STARD10: variants seen among roughly 807,000 people sequenced by gnomAD.
STARD10 encodes the protein StAR related lipid transfer domain containing 10, also known as START domain-containing protein 10.
STARD10 carries 24 observed loss-of-function variants against 36.0 expected under a neutral mutation model. That is an observed-to-expected ratio of 0.67 (90% CI 0.48 to 0.94). The LOEUF is 0.94. STARD10 is among the 40% of genes least tolerant of loss of function. The pLI, the probability that STARD10 is intolerant of heterozygous loss-of-function variation, is 0.00. For missense variants in STARD10, 335 were observed against 396.6 expected (o/e 0.84, Z 1.32); for synonymous variants, 156 against 161.9 (o/e 0.96, Z 0.28).
In STARD10 at chr11:72,781,708, G is replaced by GCGC. The variant is rs1859000843; in HGVS notation, c.-113-417_-113-415dup. On this transcript the variant is annotated intron_variant, in intron 1 of 6. Transcript: ENST00000334805. The surrounding 1 kb of genome is among the most constrained non-coding windows in gnomAD (Gnocchi z 4.7). ...GGGGCCCGCCGGGGCCGGGGTGCCA[G>GCGC]CGCCGCCGCCGCAGCTGCCCGGGAG... The GCGC allele has an allele frequency of 6.8e-6, 1 of 148,082 alleles. No homozygotes were observed. Among genetic ancestry groups the GCGC allele is most frequent in the South Asian group, 2.0e-4 (1 of 4,996 alleles). The allele number at this position is 148,082 out of a possible 1,614,324, so 9.2% of individuals were successfully genotyped here. A position where few individuals can be genotyped will look rare whatever the true frequency, so the allele number is the denominator to read the frequency against.
intron 2 of STARD10, among the ~76,000 whole-genome samples, chr11:72,770,511 C>A (rs1330805434): frequency 1.6e-4 from 24 of 152,342 alleles, no homozygotes; most frequent in Admixed American, 1.6e-3. Context: ...AGCCACCACA[C>A]CCAGCCTTAC....
In STARD10 at chr11:72,754,977, T is replaced by C; in HGVS notation, c.796A>G (p.Ser266Gly). ...TCCTCTCTGCTCTCGGCCACCGCGC[T>C]CTCGTCGATGTTCTCCAGTGAGTCC... is the stretch of plus-strand genomic sequence containing the variant. The part of the protein sequence containing the change: ...HADSLENIDE[S>G]AVAESREERM... The change falls in exon 7 of 7, where the codon AGC (serine) becomes GGC (glycine). Residue 266 changes from serine to glycine, a missense_variant. Ser to Gly is a moderately conservative substitution (Grantham distance 56, BLOSUM62 0). Coordinates refer to ENST00000334805, the MANE Select transcript of STARD10 (RefSeq NM_006645.3). 1.2e-6 allele frequency: 2 copies of C among 1,611,602 alleles called. No homozygotes were observed. Among genetic ancestry groups the C allele is most frequent in the Non-Finnish European group, 1.7e-6 (2 of 1,179,572 alleles).
At chr11:72,778,548 C>G (rs575866264) in intron 2 of STARD10, among the ~76,000 whole-genome samples, 1 of 152,272 alleles carries the variant, frequency 6.6e-6, no homozygotes, top group South Asian at 2.1e-4. Flanking sequence ...CTTGGGGTGC[C>G]CATAACCAGG....
At chr11:72,782,648 C>G (rs934288424) in intron 1 of STARD10, 1 of 152,358 alleles carries the variant, frequency 6.6e-6, no homozygotes, top group Non-Finnish European at 1.5e-5. Context: ...GCTCTGGGCT[C>G]TCTTACCTCC....
At chr11:72,763,845 A>G (rs1243521140) in intron 2 of STARD10, among the ~76,000 whole-genome samples, 5 of 152,180 alleles carry the variant, frequency 3.3e-5, no homozygotes, top group African/African-American at 1.2e-4. Flanking sequence ...ACACGCACTC[A>G]TTCTTCACCC....
intron 6 of STARD10, 164 bp from the exon 7 acceptor site, chr11:72,755,306 CTTTTTT>C (rs542293512): frequency 1.9e-3 from 671 of 356,512 alleles, no homozygotes; most frequent in African/African-American, 0.012. Context: ...ATTCTCCATT[CTTTTTT>C]TTTTTTTTTT....
At position 72,755,057 on chromosome 11, in the gene STARD10, G is replaced by A. The variant is rs368925280; in HGVS notation, c.716C>T (p.Pro239Leu). 10 of 1,613,158 alleles carry A rather than the reference G, an allele frequency of 6.2e-6. No homozygotes were observed. The highest frequency in any genetic ancestry group is 8.5e-6 in the Non-Finnish European group (10 of 1,179,706). ...CAGGCTCGGCAACGGGCTCTGCTCCGGGTGCAGCCACGGCTTGAAGTGAGG... is the reference window on the plus strand; with the variant it reads ...CAGGCTCGGCAACGGGCTCTGCTCCAGGTGCAGCCACGGCTTGAAGTGAGG... ...HLPHFKPWLHPEQSPLPSLAL... is the reference protein window; with the variant it reads ...HLPHFKPWLHLEQSPLPSLAL... The change falls in exon 7 of 7, where the codon CCG becomes CTG. Residue 239 changes from proline to leucine, a missense_variant. Transcript: ENST00000334805.
chr11:72,791,029 G>T (rs902134200), intron 1 of STARD10, among the ~76,000 whole-genome samples: 2 of 152,214 alleles, frequency 1.3e-5, no homozygotes, highest in Non-Finnish European at 2.9e-5. Flanking sequence ...CTTACCACGG[G>T]CCTGGTGCTG....
rs563923000 is a variant in STARD10, at chr11:72,771,304, C to G, written c.207+9671G>C. ...GGCTTTTGAGGGTGTGTGTGGAGTT[C>G]AGGGGATGTTGGGGCTGGCTTGCCT... On this transcript the variant is annotated intron_variant, in intron 2 of 6. Coordinates refer to ENST00000334805, the MANE Select transcript of STARD10 (RefSeq NM_006645.3). 2.0e-4 allele frequency among the ~76,000 whole-genome samples: 31 copies of G among 152,222 alleles called. No homozygotes were observed. In the South Asian group the frequency reaches 5.6e-3, roughly 27 times the overall value.
At chr11:72,783,342 G>A (rs1199540248) in intron 1 of STARD10, among the ~76,000 whole-genome samples, 2 of 152,140 alleles carry the variant, frequency 1.3e-5, no homozygotes, top group Non-Finnish European at 2.9e-5. Context: ...CCTTCCATCT[G>A]CAGTGTGGGA....
chr11:72,789,505 G>A (rs1393150104), intron 1 of STARD10, among the ~76,000 whole-genome samples: 1 of 152,176 alleles, frequency 6.6e-6, no homozygotes, highest in Non-Finnish European at 1.5e-5. Context: ...AAGGCCTGGT[G>A]TCAATGGCAT....
intron 2 of STARD10, among the ~76,000 whole-genome samples, chr11:72,773,225 G>A (rs916510814): frequency 1.3e-5 from 2 of 152,224 alleles, no homozygotes; most frequent in Non-Finnish European, 1.5e-5. Context: ...GAACAGAGAT[G>A]GATAGAAAAC....
At chr11:72,767,257 CA>C (rs1277606449) in intron 2 of STARD10, among the ~76,000 whole-genome samples, 4 of 152,170 alleles carry the variant, frequency 2.6e-5, no homozygotes, top group Non-Finnish European at 4.4e-5. Flanking sequence ...GCAAAGGAGA[CA>C]GGGGCACCTG....
intron 1 of STARD10, among the ~76,000 whole-genome samples, chr11:72,788,854 C>A (rs1253566342): frequency 5.9e-5 from 9 of 152,018 alleles, no homozygotes; most frequent in Non-Finnish European, 1.3e-4. Flanking sequence ...AGCCCCTGCT[C>A]CCAGCCCATT....
At chr11:72,782,185 G>C (rs1859011700) in intron 1 of STARD10, 1 of 152,440 alleles carries the variant, frequency 6.6e-6, no homozygotes. Flanking sequence ...GCTGTCCCCA[G>C]AACAACCCAG....
rs1434543057 is a variant in STARD10, at chr11:72,793,667, C to G, written c.-906G>C. ...ACTATTTATTACGGTTATCTTCGCTCAGGCGCCCCCACGTGTCGATCCCGA... is the reference window on the plus strand; with the variant it reads ...ACTATTTATTACGGTTATCTTCGCTGAGGCGCCCCCACGTGTCGATCCCGA... On this transcript the variant is annotated 5_prime_UTR_variant, in exon 1 of 7. Transcript: ENST00000334805. 1 of 152,274 alleles carries G rather than the reference C, an allele frequency of 6.6e-6. No individual in the cohort carries two copies. Among genetic ancestry groups the G allele is most frequent in the Non-Finnish European group, 1.5e-5 (1 of 68,048 alleles). 9.4% of individuals were successfully genotyped at this position (152,274 alleles called of 1,614,324 possible).
In STARD10 at chr11:72,784,241, G is replaced by A. The variant is rs77286194; in HGVS notation, c.-113-2947C>T. 6.5e-3 allele frequency among the ~76,000 whole-genome samples: 992 copies of A among 152,296 alleles called. 14 individuals carry two copies. The highest frequency in any genetic ancestry group is 0.023 in the African/African-American group (963 of 41,544). On this transcript the variant is annotated intron_variant, in intron 1 of 6. Transcript: ENST00000334805. The stretch of plus-strand genomic sequence containing the variant: ...CTCCAGAGCAGAAGAATGAGCCCAG[G>A]AGGGCTGGAGGGGCTCTGGGAGAGG...
At chr11:72,766,721 C>A (rs1858796853) in intron 2 of STARD10, among the ~76,000 whole-genome samples, 1 of 152,136 alleles carries the variant, frequency 6.6e-6, no homozygotes, top group Non-Finnish European at 1.5e-5. Flanking sequence ...CTCCCAAGAC[C>A]CAGGGAGATG....
Position 72,781,515 on chromosome 11 carries a change from T to G in STARD10, c.-113-221A>C. The G allele has an allele frequency of 2.6e-5, 6 of 227,674 alleles. No individual in the cohort carries two copies. The highest frequency in any genetic ancestry group is 4.3e-5 in the Non-Finnish European group (5 of 116,020). The allele number at this position is 227,674 out of a possible 1,614,324, so 14.1% of individuals were successfully genotyped here. A position where few individuals can be genotyped will look rare whatever the true frequency, so the allele number is the denominator to read the frequency against. On this transcript the variant is annotated intron_variant, in intron 1 of 6. Coordinates refer to ENST00000334805, the MANE Select transcript of STARD10 (RefSeq NM_006645.3). This position sits in a 1 kb window ranked among gnomAD's most constrained non-coding sequence, Gnocchi z 4.7. ...GGACGCGGTGGCCGGCGGGCGCCCG[T>G]CGGGACCCAGGGACTGGCCGGGACC... is the stretch of plus-strand genomic sequence containing the variant.
Sources: allele counts gnomAD v4.1 joint callset (sites outside exome capture counted in the v4.1 genomes callset), GRCh38; gene constraint gnomAD v4.1.1; non-coding constraint Gnocchi (gnomAD v3.1); transcripts MANE v1.5; gene names NCBI Gene and HGNC (gene_info 2026-07-23, HGNC 2026-07-21).